The following SEL1L3 variants were observed in gnomAD, a reference collection of about 807,000 sequenced individuals.
The protein encoded by SEL1L3 is protein sel-1 homolog 3.
A neutral mutation model predicts 142.8 loss-of-function variants in SEL1L3; 76 were observed. That is an observed-to-expected ratio of 0.53 (90% confidence interval 0.44 to 0.64). The LOEUF (loss-of-function observed/expected upper bound fraction) is 0.64, where lower values mean the gene tolerates loss of function less well. Ranked by LOEUF, SEL1L3 falls within the 30% of genes least tolerant of loss-of-function variation. The pLI is 0.00. For missense variants in SEL1L3, 1,262 were observed against 1,381.7 expected (o/e 0.91, Z 1.37); for synonymous variants, 504 against 519.6 (o/e 0.97, Z 0.41).
the SEL1L3 span, among the ~76,000 whole-genome samples, chr4:25,732,453 A>G: frequency 6.6e-6 from 1 of 152,178 alleles, no homozygotes; most frequent in Non-Finnish European, 1.5e-5. Context: ...GCCATTTTAC[A>G]TTTCCACCAA....
chr4:25,851,403 C>T (rs1352781119), intron 1 of SEL1L3, among the ~76,000 whole-genome samples: 1 of 151,778 alleles, frequency 6.6e-6, no homozygotes, highest in Non-Finnish European at 1.5e-5. Context: ...ACACTCACAC[C>T]ACACACACAC....
At chr4:25,861,471 A>G (rs926480538) in intron 1 of SEL1L3, among the ~76,000 whole-genome samples, 4 of 152,230 alleles carry the variant, frequency 2.6e-5, no homozygotes, top group African/African-American at 7.2e-5. Context: ...TTCAAGAAGT[A>G]AAAAACGTTA....
chr4:25,821,240 T>C (rs914478207), intron 7 of SEL1L3, among the ~76,000 whole-genome samples: 1 of 152,230 alleles, frequency 6.6e-6, no homozygotes. Context: ...ACTCCCCATT[T>C]TTCCTGATTA....
chr4:25,861,993 C>T (rs1205171461), intron 1 of SEL1L3: 1 of 152,208 alleles, frequency 6.6e-6, no homozygotes, highest in Non-Finnish European at 1.5e-5. Context: ...TGCAAACTGA[C>T]ATGCATGAGC....
intron 20 of SEL1L3, among the ~76,000 whole-genome samples, chr4:25,764,945 G>C (rs1410946912): frequency 1.3e-5 from 2 of 152,122 alleles, no homozygotes; most frequent in African/African-American, 4.8e-5. Context: ...ACACTGAAAG[G>C]ACGGTTAGGA....
chr4:25,807,677 G>T (rs917944127), intron 9 of SEL1L3, among the ~76,000 whole-genome samples: 2 of 152,094 alleles, frequency 1.3e-5, no homozygotes, highest in African/African-American at 4.8e-5. Context: ...AGGCTCAGAG[G>T]AGGAAGAGAC....
At chr4:25,842,333 T>G (rs1024788473) in intron 2 of SEL1L3, among the ~76,000 whole-genome samples, 13 of 150,958 alleles carry the variant, frequency 8.6e-5, no homozygotes, top group Non-Finnish European at 1.8e-4. Context: ...GGGCATGATT[T>G]TGCCAAGCAG....
chr4:25,808,840 C>T (rs530188733), intron 9 of SEL1L3, among the ~76,000 whole-genome samples: 7 of 152,112 alleles, frequency 4.6e-5, no homozygotes, highest in Admixed American at 2.0e-4. Context: ...GAGGCCGAGG[C>T]GGGCAGATCA....
chr4:25,838,290 A>T (rs1416191495), intron 2 of SEL1L3, among the ~76,000 whole-genome samples: 1 of 152,244 alleles, frequency 6.6e-6, no homozygotes, highest in African/African-American at 2.4e-5. Flanking sequence ...TAAGACATAA[A>T]CATAGAATGC....
At chr4:25,785,892 T>C (rs188981910) in intron 13 of SEL1L3, among the ~76,000 whole-genome samples, 1 of 152,268 alleles carries the variant, frequency 6.6e-6, no homozygotes, top group African/African-American at 2.4e-5. Flanking sequence ...GTCTCACAGT[T>C]AGAGCTGCAA....
At chr4:25,769,071 C>G (rs1057264870) in intron 17 of SEL1L3, among the ~76,000 whole-genome samples, 2 of 152,048 alleles carry the variant, frequency 1.3e-5, no homozygotes, top group African/African-American at 2.4e-5. Context: ...TCTATTTTAT[C>G]CAGAAGTAGT....
intron 17 of SEL1L3, 118 bp from the exon 18 acceptor site, chr4:25,767,948 A>G: frequency 1.5e-6 from 1 of 648,136 alleles, no homozygotes; most frequent in Admixed American, 3.0e-5. Flanking sequence ...AAAAACCACA[A>G]AATCGTGAGT....
chr4:25,842,990 G>A (rs1263080194), intron 2 of SEL1L3, among the ~76,000 whole-genome samples: 2 of 152,280 alleles, frequency 1.3e-5, no homozygotes, highest in East Asian at 1.9e-4. Context: ...GTAAGGAAGT[G>A]GCCATGTGGT....
chr4:25,861,952 G>A (rs969626314), intron 1 of SEL1L3: 13 of 152,194 alleles, frequency 8.5e-5, no homozygotes, highest in Non-Finnish European at 1.3e-4. Flanking sequence ...TTTAGTTGAT[G>A]ACTAAAACAG....
chr4:25,847,638 T>C lies in SEL1L3; in HGVS notation c.389A>G (p.Lys130Arg). The C allele has an allele frequency of 6.2e-7, 1 of 1,614,034 alleles. No homozygotes were observed. Among genetic ancestry groups the C allele is most frequent in the East Asian group, 2.2e-5 (1 of 44,888 alleles). ...EFRSSIPVYK[K>R]RWKNEKHLHT... ...AAGATGTTTCTCATTCTTCCACCTT[T>C]TTTTGTACACGGGAATGCTACTTCT... The change falls in exon 2 of 24, where the codon AAA becomes AGA. Residue 130 changes from lysine to arginine, a missense_variant. This residue lies in a region of SEL1L3 where 689 missense variants were observed against 692.8 expected (regional missense o/e 0.99). Coordinates refer to ENST00000399878, the MANE Select transcript of SEL1L3 (RefSeq NM_015187.5).
the SEL1L3 span, among the ~76,000 whole-genome samples, chr4:25,714,541 TTTCTTTCTTTC>T: frequency 6.3e-4 from 83 of 132,410 alleles, no homozygotes; most frequent in East Asian, 3.0e-3. Context: ...TCTTTCTTTC[TTTCTTTCTTTC>T]TTCTTTCTTT....
chr4:25,831,512 T>A (rs1715441186), intron 5 of SEL1L3, among the ~76,000 whole-genome samples: 1 of 86,020 alleles, frequency 1.2e-5, no homozygotes, highest in African/African-American at 3.6e-5. Context: ...ATAATAATAA[T>A]TATTATTATT....
At chr4:25,835,832 T>C (rs896218232) in intron 2 of SEL1L3, among the ~76,000 whole-genome samples, 20 of 152,364 alleles carry the variant, frequency 1.3e-4, no homozygotes, top group African/African-American at 4.6e-4. Context: ...AGAGGCACGG[T>C]TGCCAAAATA....
the SEL1L3 span, among the ~76,000 whole-genome samples, chr4:25,736,800 C>T: frequency 6.6e-6 from 1 of 151,926 alleles, no homozygotes; most frequent in African/African-American, 2.4e-5. Context: ...TCAAGTTTTG[C>T]TTTATACATT....
Sources: allele counts gnomAD v4.1 joint callset (sites outside exome capture counted in the v4.1 genomes callset), GRCh38; gene constraint gnomAD v4.1.1; regional missense constraint gnomAD v4.1.1; transcripts MANE v1.5; gene names NCBI Gene and HGNC (gene_info 2026-07-23, HGNC 2026-07-21).